GAK: variants seen among roughly 807,000 people sequenced by gnomAD.
GAK encodes cyclin G associated kinase.
A neutral mutation model predicts 143.9 loss-of-function variants in GAK; 79 were observed. The ratio of observed to expected loss-of-function variants is 0.55; its 90% CI spans 0.46 to 0.66. GAK has a LOEUF of 0.66. Ranked by LOEUF, GAK falls within the 30% of genes least tolerant of loss-of-function variation. The pLI, the probability that GAK is intolerant of heterozygous loss-of-function variation, is 0.00. For synonymous variants in GAK, 881 were observed against 765.5 expected (o/e 1.15, Z -2.49); for missense variants, 1,693 against 1,779.7 (o/e 0.95, Z 0.88).
Position 850,937 on chromosome 4 carries a change from T to G in GAK, c.3656A>C (p.Lys1219Thr). The change falls in exon 26 of 28, where the codon AAG (lysine) becomes ACG (threonine). Residue 1219 changes from lysine (K) to threonine (T), a missense_variant and splice_region_variant. Lys to Thr is a moderately conservative substitution (Grantham distance 78, BLOSUM62 -1). Around this residue, in one of 2 missense-constraint regions of GAK, gnomAD observed 822 missense variants for 788.7 expected, o/e 1.04. Coordinates refer to ENST00000314167, the MANE Select transcript of GAK (RefSeq NM_005255.4). ...AGGAAGAGCTGCCCACCCACCCACC[T>G]TCAGCTTGAGTGGGTCCGTGTCTTT... ...LAKDTDPLKL[K>T]LLDWIEGKER... 2 of 1,612,052 alleles carry G rather than the reference T, an allele frequency of 1.2e-6. No individual in the cohort carries two copies. Among genetic ancestry groups the G allele is most frequent in the East Asian group, 2.2e-5 (1 of 44,782 alleles).
At chr4:864,299 T>C (rs941710359) in intron 23 of GAK, among the ~76,000 whole-genome samples, 1 of 152,134 alleles carries the variant, frequency 6.6e-6, no homozygotes, top group African/African-American at 2.4e-5. Context: ...AGGTCAATGC[T>C]GAAGTGAGTA....
At chr4:869,083 TGCACACACA>T (rs1711729622) in intron 19 of GAK, 2 of 115,778 alleles carry the variant, frequency 1.7e-5, no homozygotes, top group Non-Finnish European at 3.3e-5. Flanking sequence ...TACACACGAA[TGCACACACA>T]GCACACACAG....
At chr4:923,266 TAC>T (rs779894546) in intron 1 of GAK, among the ~76,000 whole-genome samples, 31 of 152,154 alleles carry the variant, frequency 2.0e-4, no homozygotes, top group Non-Finnish European at 3.8e-4. Context: ...CTCAAAATAA[TAC>T]AGTTTATTTA....
chr4:849,834 A>ACCC lies in GAK; in HGVS notation c.3834+55_3834+57dup, dbSNP rs33919242. On this transcript the variant is annotated intron_variant, in intron 27 of 27. Coordinates refer to ENST00000314167, the MANE Select transcript of GAK (RefSeq NM_005255.4). Reference sequence around the variant, plus strand: ...AGCATGCGGGGGCGGGCGGGGCAGGACCCCCCCCCCGCCCCGCCCCTGAAG... The same window carrying ACCC: ...AGCATGCGGGGGCGGGCGGGGCAGGACCCCCCCCCCCCCGCCCCGCCCCTGAAG... 1.2e-3 allele frequency: 1,122 copies of ACCC among 947,870 alleles called. 3 individuals are homozygous for ACCC. The highest frequency in any genetic ancestry group is 3.6e-3 in the African/African-American group (178 of 50,026). The allele number at this position is 947,870 out of a possible 1,614,324, so 58.7% of individuals were successfully genotyped here. A position where few individuals can be genotyped will look rare whatever the true frequency, so the allele number is the denominator to read the frequency against.
chr4:852,084 G>T (rs955227900), intron 24 of GAK, 110 bp from the exon 25 acceptor site: 6 of 949,396 alleles, frequency 6.3e-6, no homozygotes, highest in Non-Finnish European at 8.3e-6. Context: ...TTGCAAAATA[G>T]AACACCGATC....
intron 14 of GAK, 40 bp downstream of exon 14, chr4:882,657 T>C (rs753272031): frequency 6.2e-7 from 1 of 1,601,808 alleles, no homozygotes; most frequent in Non-Finnish European, 8.5e-7. Context: ...ATAATGAACT[T>C]TGACAGAAGA....
intron 6 of GAK, among the ~76,000 whole-genome samples, chr4:897,057 G>C (rs966468721): frequency 6.6e-6 from 1 of 152,256 alleles, no homozygotes; most frequent in African/African-American, 2.4e-5. Context: ...AGAGGCAGAG[G>C]CTGGGGCCAC....
rs537009865 is a variant in GAK at position 917,209 on chromosome 4, T to C, written c.146-3541A>G. 7.9e-5 allele frequency among the ~76,000 whole-genome samples: 12 copies of C among 151,602 alleles called. No individual in the cohort carries two copies. The South Asian group carries it at 1.5e-3, about 18-fold the overall frequency. On this transcript the variant is annotated intron_variant, in intron 1 of 27. Transcript: ENST00000314167. ...AAACTCCAGAAAACGCAAATGGATC[T>C]ATGGTAACAGAAGGCCAATGCCAGG...
intron 15 of GAK, 54 bp downstream of exon 15, chr4:881,846 GGGCGGCA>G: frequency 6.6e-7 from 1 of 1,507,576 alleles, no homozygotes. Flanking sequence ...ACCACAGCGG[GGGCGGCA>G]GTGCCACACG....
At chr4:915,177 ACAGCCCCAGCATACACGGCCCCGTGCACT>A in intron 1 of GAK, among the ~76,000 whole-genome samples, 1 of 138,068 alleles carries the variant, frequency 7.2e-6, no homozygotes, top group East Asian at 2.1e-4. Flanking sequence ...CCCCACACAC[ACAGCCCCAGCATACACGGCCCCGTGCACT>A]CAGCCCCAGC....
At position 866,480 on chromosome 4, in the gene GAK, G is replaced by C; in HGVS notation, c.2927C>G (p.Ser976Cys). 1.9e-6 allele frequency: 3 copies of C among 1,614,116 alleles called. No homozygotes were observed. The Admixed American group carries it at 5.0e-5, about 27-fold the overall frequency. The change falls in exon 22 of 28, where the codon TCC becomes TGC. Residue 976 changes from serine to cysteine, a missense_variant. Ser to Cys is a moderately radical substitution (Grantham distance 112). Coordinates refer to ENST00000314167, the MANE Select transcript of GAK (RefSeq NM_005255.4). The stretch of plus-strand genomic sequence containing the variant: ...AAATTCGCCGAAGAGATCAGGATTG[G>C]AGCAGGGCTGGGAGTTGTTGCCTGA... ...PSSGNNSQPC[S>C]NPDLFGEFLN... is the part of the protein sequence containing the mutation.
At chr4:880,590 C>T (rs1247196886) in intron 15 of GAK, among the ~76,000 whole-genome samples, 1 of 152,216 alleles carries the variant, frequency 6.6e-6, no homozygotes, top group East Asian at 1.9e-4. Context: ...GAAGGCTTCA[C>T]TCGCCCACTG....
intron 6 of GAK, among the ~76,000 whole-genome samples, chr4:897,385 G>A (rs1163981589): frequency 6.6e-6 from 1 of 152,210 alleles, no homozygotes; most frequent in Non-Finnish European, 1.5e-5. Context: ...ACCTGCCTGA[G>A]GCCGGGACAG....
At chr4:854,105 G>A (rs1335104305) in intron 24 of GAK, among the ~76,000 whole-genome samples, 5 of 150,884 alleles carry the variant, frequency 3.3e-5, no homozygotes, top group Admixed American at 6.6e-5. Context: ...GCCGTCTCTC[G>A]CCCATTTTCT....
chr4:894,124 C>A (rs550190148), intron 7 of GAK, 115 bp from the exon 8 acceptor site: 3 of 1,246,392 alleles, frequency 2.4e-6, no homozygotes. Context: ...GGGGTGACAT[C>A]GGAGCCGTGG....
chr4:892,326 G>A (rs1179886153), intron 9 of GAK, among the ~76,000 whole-genome samples: 1 of 152,158 alleles, frequency 6.6e-6, no homozygotes, highest in African/African-American at 2.4e-5. Context: ...AGACCCCTGC[G>A]AGATCTGCAG....
rs185740241 is a variant in GAK at position 917,152 on chromosome 4, G to C, written c.146-3484C>G. Among the ~76,000 whole-genome samples, 561 of 152,338 alleles carry C rather than the reference G, an allele frequency of 3.7e-3. 3 individuals are homozygous for C. Among genetic ancestry groups the C allele is most frequent in the African/African-American group, 0.013 (529 of 41,572 alleles). On this transcript the variant is annotated intron_variant, in intron 1 of 27. Transcript: ENST00000314167. ...CACAAACGACCAGGCCAAAAAAAGA[G>C]AGTACATACACACATACAGTCAGTG...
chr4:916,259 A>G (rs1723073873), intron 1 of GAK, among the ~76,000 whole-genome samples: 1 of 152,230 alleles, frequency 6.6e-6, no homozygotes, highest in African/African-American at 2.4e-5. Context: ...TCCAAGTAAC[A>G]ACAATTTTTT....
chr4:891,153 G>A (rs1274206107), intron 9 of GAK, among the ~76,000 whole-genome samples: 2 of 151,972 alleles, frequency 1.3e-5, no homozygotes, highest in African/African-American at 4.8e-5. Context: ...TAGAGATGGG[G>A]TTTCACCACG....
Sources: gnomAD v4.1 joint callset for allele counts (sites outside exome capture counted in the v4.1 genomes callset) on GRCh38, gnomAD v4.1.1 for gene constraint, gnomAD v4.1.1 regional missense constraint, MANE v1.5 for transcripts, NCBI Gene and HGNC (gene_info 2026-07-23, HGNC 2026-07-21) for gene names.